The following PDE4D variants were observed in gnomAD, a reference collection of about 807,000 sequenced individuals.
The protein encoded by PDE4D is phosphodiesterase 4D.
PDE4D carries 24 observed loss-of-function variants against 87.4 expected under a neutral mutation model. The observed-to-expected ratio is 0.27, with a 90% CI of 0.20 to 0.39. The LOEUF (loss-of-function observed/expected upper bound fraction) is 0.39. Ranked by LOEUF, PDE4D falls within the 10% of genes least tolerant of loss-of-function variation. The pLI is 1.00. For missense variants in PDE4D, 714 were observed against 1,041.0 expected (o/e 0.69, Z 4.32); for synonymous variants, 384 against 383.2 (o/e 1.00, Z -0.02).
chr5:59,893,358 C>T lies in PDE4D; in HGVS notation c.265G>A (p.Gly89Arg). The stretch of plus-strand genomic sequence containing the variant: ...GAGGCGTAGCGGCCGCGGGCAGCCC[C>T]GGGCGGCGGCGGGGGCGGCGGCAGG... ...PPLPPPPPPP[G>R]AARGRYASSG... is the part of the protein sequence containing the mutation. The change falls in exon 1 of 15, where the codon GGG becomes AGG. Residue 89 changes from glycine to arginine, a missense_variant. Gly to Arg is a moderately radical substitution (Grantham distance 125). Coordinates refer to ENST00000340635, the MANE Select transcript of PDE4D (RefSeq NM_001104631.2). 1 of 1,254,508 alleles carries T rather than the reference C, an allele frequency of 8.0e-7. No homozygotes were observed. Among genetic ancestry groups the T allele is most frequent in the Non-Finnish European group, 1.0e-6 (1 of 1,000,636 alleles). 77.7% of individuals were successfully genotyped at this position (1,254,508 alleles called of 1,614,324 possible).
chr5:60,101,633 G>A (rs990517630), intron 2 of PDE4D, among the ~76,000 whole-genome samples: 6 of 152,090 alleles, frequency 3.9e-5, no homozygotes, highest in African/African-American at 1.4e-4. Flanking sequence ...TACATTATAT[G>A]TATACTCTGT....
At chr5:60,113,685 G>T (rs1483655568) in intron 2 of PDE4D, among the ~76,000 whole-genome samples, 2 of 151,948 alleles carry the variant, frequency 1.3e-5, no homozygotes, top group East Asian at 1.9e-4. Context: ...TGTTCTCTTC[G>T]ACCCATTCAC....
intron 1 of PDE4D, among the ~76,000 whole-genome samples, chr5:59,616,536 A>G (rs184259291): frequency 6.7e-6 from 1 of 149,232 alleles, no homozygotes; most frequent in African/African-American, 2.4e-5. Context: ...AAGTTTAAGA[A>G]TAGGAATTAC....
At position 60,370,085 on chromosome 5, in the gene PDE4D, T is replaced by A. The variant is rs555987806; in HGVS notation, c.-90+117857A>T. ...CAGGATTTATCACAGAGAGAAAACC[T>A]AGCTGAGTGAACACCTGTGAATTTA... On this transcript the variant is annotated intron_variant, in intron 1 of 16. Coordinates refer to the PDE4D transcript ENST00000502484. Among the ~76,000 whole-genome samples the A allele has an allele frequency of 6.8e-4, 104 of 152,266 alleles. 1 individual carries two copies. Among genetic ancestry groups the A allele is most frequent in the African/African-American group, 2.4e-3 (98 of 41,562 alleles).
chr5:60,266,455 T>A (rs911542242), intron 1 of PDE4D, among the ~76,000 whole-genome samples: 8 of 152,218 alleles, frequency 5.3e-5, no homozygotes, highest in Non-Finnish European at 1.2e-4. Flanking sequence ...CTGGTGGGCA[T>A]CTTTCTAATT....
intron 1 of PDE4D, among the ~76,000 whole-genome samples, chr5:59,485,629 A>G (rs1032732529): frequency 1.3e-5 from 2 of 152,054 alleles, no homozygotes; most frequent in Non-Finnish European, 2.9e-5. Flanking sequence ...ATGTAAAATA[A>G]GTTATACACA....
chr5:59,180,402 A>G (rs373330739), intron 5 of PDE4D, 193 bp downstream of exon 5: 36 of 712,886 alleles, frequency 5.0e-5, no homozygotes, highest in Middle Eastern at 2.3e-4. Flanking sequence ...AAAAAACGTA[A>G]ATCGGTAAAA....
chr5:59,609,377 TACAC>T (rs61116888), intron 1 of PDE4D, among the ~76,000 whole-genome samples: 5 of 147,584 alleles, frequency 3.4e-5, no homozygotes, highest in African/African-American at 1.3e-4. Flanking sequence ...TTTGTATATG[TACAC>T]ACACACACAC....
At chr5:59,967,887 A>T (rs1052310820) in intron 3 of PDE4D, among the ~76,000 whole-genome samples, 4 of 151,976 alleles carry the variant, frequency 2.6e-5, no homozygotes, top group Admixed American at 2.6e-4. Context: ...AAAATGTGGT[A>T]CATATATACT....
At chr5:59,415,595 A>G (rs1286878318) in intron 1 of PDE4D, among the ~76,000 whole-genome samples, 2 of 152,012 alleles carry the variant, frequency 1.3e-5, no homozygotes, top group African/African-American at 4.8e-5. Context: ...AAGTGAATCT[A>G]TATTTCTAAT....
chr5:59,404,329 C>T (rs1791219586), intron 1 of PDE4D, among the ~76,000 whole-genome samples: 1 of 152,098 alleles, frequency 6.6e-6, no homozygotes, highest in African/African-American at 2.4e-5. Flanking sequence ...TCTATTTTCG[C>T]TTTGGTTGCT....
upstream of PDE4D, chr5:60,488,184 GA>G (rs1749305697): frequency 6.6e-6 from 1 of 152,546 alleles, no homozygotes; most frequent in Non-Finnish European, 1.5e-5. Context: ...GGCTGCACTG[GA>G]ACAACACAGA....
At position 59,382,754 on chromosome 5, in the gene PDE4D, T is replaced by C. The variant is rs368843904; in HGVS notation, c.456-166786A>G. ...CCAAACAATGAAAAAAGAAAAGGTTTTGGGGTCAGACTGACCTGGACTGAA... is the reference window on the plus strand; with the variant it reads ...CCAAACAATGAAAAAAGAAAAGGTTCTGGGGTCAGACTGACCTGGACTGAA... On this transcript the variant is annotated intron_variant, in intron 1 of 14. Coordinates refer to ENST00000340635, the MANE Select transcript of PDE4D (RefSeq NM_001104631.2). Among the ~76,000 whole-genome samples the C allele has an allele frequency of 3.9e-5, 6 of 152,224 alleles. No homozygotes were observed. The South Asian group carries it at 1.0e-3, about 26-fold the overall frequency.
chr5:59,566,748 A>G (rs1404705308), intron 1 of PDE4D, among the ~76,000 whole-genome samples: 1 of 152,146 alleles, frequency 6.6e-6, no homozygotes, highest in African/African-American at 2.4e-5. Flanking sequence ...GCCATGTAGG[A>G]AGATGATGTC....
chr5:59,914,536 ATGTGTGTGTG>A (rs34257506), intron 3 of PDE4D, among the ~76,000 whole-genome samples: 4 of 145,320 alleles, frequency 2.8e-5, no homozygotes, highest in African/African-American at 1.0e-4. Context: ...AGGAAGATGT[ATGTGTGTGTG>A]TGTGTGTGTG....
chr5:60,517,410 A>G (rs1750849674), intron 1 of PDE4D, among the ~76,000 whole-genome samples: 1 of 152,218 alleles, frequency 6.6e-6, no homozygotes, highest in Non-Finnish European at 1.5e-5. Flanking sequence ...CCTGGGGGCC[A>G]GGCTGCTAGT....
At chr5:59,048,029 G>A (rs1167100111) in intron 5 of PDE4D, among the ~76,000 whole-genome samples, 1 of 152,182 alleles carries the variant, frequency 6.6e-6, no homozygotes, top group Non-Finnish European at 1.5e-5. Context: ...ATAGCAGCTT[G>A]AGCTAAGACA....
At chr5:59,011,375 C>G (rs945507717) in intron 6 of PDE4D, among the ~76,000 whole-genome samples, 1 of 152,056 alleles carries the variant, frequency 6.6e-6, no homozygotes. Context: ...TCAAACCCAT[C>G]GCAAAGAAGC....
At chr5:60,021,987 G>A (rs1307399028) in intron 2 of PDE4D, 1 of 152,168 alleles carries the variant, frequency 6.6e-6, no homozygotes, top group Non-Finnish European at 1.5e-5. Flanking sequence ...TGCAAGGATT[G>A]CAGGTGTGAG....
Sources: allele counts gnomAD v4.1 joint callset (sites outside exome capture counted in the v4.1 genomes callset), GRCh38; gene constraint gnomAD v4.1.1; transcripts MANE v1.5; gene names NCBI Gene and HGNC (gene_info 2026-07-23, HGNC 2026-07-21).